INTS6: variants seen among roughly 807,000 people sequenced by gnomAD.
The protein encoded by INTS6 is integrator complex subunit 6.
INTS6 carries 16 observed loss-of-function variants against 104.9 expected under a neutral mutation model. The observed-to-expected ratio is 0.15, with a 90% confidence interval of 0.10 to 0.23. The LOEUF (loss-of-function observed/expected upper bound fraction) is 0.23, where lower values mean the gene tolerates loss of function less well. INTS6 is among the 10% of genes least tolerant of loss of function. The pLI is 1.00. For missense variants in INTS6, 584 were observed against 1,062.8 expected, an observed-to-expected ratio of 0.55 and a Z score of 6.26; for synonymous variants, 324 against 358.7, an observed-to-expected ratio of 0.90 and a Z score of 1.09.
downstream of INTS6, among the ~76,000 whole-genome samples, chr13:51,360,724 C>T (rs190204240): frequency 1.3e-3 from 201 of 152,120 alleles, 1 homozygote; most frequent in Non-Finnish European, 2.1e-3. Flanking sequence ...TCATGCAACA[C>T]TAGACACATT....
At chr13:51,349,493 T>C (rs1452526440), downstream of INTS6, among the ~76,000 whole-genome samples, 2 of 152,194 alleles carry the variant, frequency 1.3e-5, no homozygotes, top group Non-Finnish European at 2.9e-5. Flanking sequence ...TCCTATTATA[T>C]TTGAGAGAAA....
At chr13:51,442,299 C>T (rs1399489434) in intron 3 of INTS6, 1 of 151,736 alleles carries the variant, frequency 6.6e-6, no homozygotes, top group East Asian at 1.9e-4. Flanking sequence ...AGGCGCCCGC[C>T]ACCATGCCCA....
At position 51,364,962 on chromosome 13, in the gene INTS6, T is replaced by A. The variant is rs923641113; in HGVS notation, c.*790A>T. ...TTTGCTTTTTAAATAGCTTTTAAAG[T>A]ATCTGTCTATCTGCCCCATACAAAG... On this transcript the variant is annotated 3_prime_UTR_variant, in exon 18 of 18. Coordinates refer to ENST00000311234, the MANE Select transcript of INTS6 (RefSeq NM_012141.3). 6.6e-6 allele frequency: 1 copy of A among 152,568 alleles called. No individual in the cohort carries two copies. Among genetic ancestry groups the A allele is most frequent in the Non-Finnish European group, 1.5e-5 (1 of 68,004 alleles). The allele number at this position is 152,568 out of a possible 1,614,324, so 9.5% of individuals were successfully genotyped here.
chr13:51,430,468 A>T, intron 3 of INTS6, 85 bp from the exon 4 acceptor site: 1 of 907,508 alleles, frequency 1.1e-6, no homozygotes, highest in Admixed American at 2.2e-5. Flanking sequence ...CAGCATATAT[A>T]CGATCTCCCT....
rs1047112821 is a variant in INTS6 at position 51,369,054 on chromosome 13, G to A, written c.2361C>T (p.Asn787=). Residue 787 remains asparagine, a synonymous_variant, in exon 16 of 18, where the codon AAC becomes AAT. Transcript: ENST00000311234. ...PRDKEQCAEE[N]IPASSLNKGK... ...CTTTGTTGAGTGAAGATGCTGGTATGTTCTCTTCAGCACATTGTTCTTTAT... is the reference window on the plus strand; with the variant it reads ...CTTTGTTGAGTGAAGATGCTGGTATATTCTCTTCAGCACATTGTTCTTTAT... The A allele has an allele frequency of 1.9e-6, 3 of 1,613,618 alleles. No homozygotes were observed. The highest frequency in any genetic ancestry group is 2.2e-5 in the South Asian group (2 of 91,072).
chr13:51,343,279 T>C, the INTS6 span, among the ~76,000 whole-genome samples: 1 of 151,922 alleles, frequency 6.6e-6, no homozygotes, highest in Non-Finnish European at 1.5e-5. Flanking sequence ...TAAAAGGGAG[T>C]AGAAGCAGCC....
the INTS6 span, chr13:51,344,373 C>T: frequency 3.1e-6 from 5 of 1,613,498 alleles, no homozygotes; most frequent in East Asian, 1.1e-4. Flanking sequence ...TGTCCCCCTG[C>T]TTTGTGGAGC....
intron 3 of INTS6, chr13:51,441,818 T>TCCA (rs937882844): frequency 1.5e-5 from 2 of 132,396 alleles, no homozygotes; most frequent in Non-Finnish European, 3.2e-5. Context: ...CCTCCCCACC[T>TCCA]CCAGCCTTTT....
chr13:51,414,203 A>C (rs1258342787), intron 4 of INTS6, among the ~76,000 whole-genome samples: 1 of 152,224 alleles, frequency 6.6e-6, no homozygotes, highest in African/African-American at 2.4e-5. Context: ...AGAGGAACAA[A>C]GTAGAAGAAA....
chr13:51,341,377 T>G, the INTS6 span: 2 of 1,551,270 alleles, frequency 1.3e-6, no homozygotes, highest in Non-Finnish European at 1.7e-6. Flanking sequence ...GCACACTCAC[T>G]TACCCTCCTG....
At chr13:51,395,174 A>T in intron 5 of INTS6, 126 bp downstream of exon 5, 1 of 866,570 alleles carries the variant, frequency 1.2e-6, no homozygotes, top group Non-Finnish European at 1.7e-6. Context: ...TTAAAAGCAT[A>T]TATGCCTAAT....
At chr13:51,383,827 T>G (rs1337025173) in intron 7 of INTS6, 86 bp from the exon 8 acceptor site, 51 of 1,153,296 alleles carry the variant, frequency 4.4e-5, no homozygotes, top group Non-Finnish European at 5.5e-5. Flanking sequence ...TTTACTCAGT[T>G]CCTCCGTCTT....
chr13:51,357,590 G>C (rs1955499279), downstream of INTS6, among the ~76,000 whole-genome samples: 1 of 151,836 alleles, frequency 6.6e-6, no homozygotes, highest in Admixed American at 6.6e-5. Context: ...CTTCCTTCTT[G>C]GCATCAAATA....
chr13:51,379,425 A>C (rs576506688), intron 11 of INTS6, 37 bp downstream of exon 11: 1 of 1,323,000 alleles, frequency 7.6e-7, no homozygotes, highest in Non-Finnish European at 1.1e-6. Flanking sequence ...AAAACCATTC[A>C]AAATACTTAA....
At chr13:51,392,363 G>T (rs1213018926) in intron 5 of INTS6, among the ~76,000 whole-genome samples, 2 of 151,696 alleles carry the variant, frequency 1.3e-5, no homozygotes, top group African/African-American at 4.8e-5. Flanking sequence ...CCTTCCTGTT[G>T]CTTCCAAACA....
intron 6 of INTS6, 51 bp from the exon 7 acceptor site, chr13:51,387,591 A>G: frequency 7.3e-7 from 1 of 1,375,968 alleles, no homozygotes; most frequent in Non-Finnish European, 9.7e-7. Flanking sequence ...AGGGGGGATA[A>G]GCATAAAAAG....
At chr13:51,379,418 A>G in intron 11 of INTS6, 44 bp downstream of exon 11, 1 of 1,209,542 alleles carries the variant, frequency 8.3e-7, no homozygotes, top group Non-Finnish European at 1.2e-6. Flanking sequence ...CCTAGCCAAA[A>G]CCATTCAAAA....
At chr13:51,399,799 G>A (rs1312689844) in intron 4 of INTS6, among the ~76,000 whole-genome samples, 4 of 152,124 alleles carry the variant, frequency 2.6e-5, no homozygotes, top group South Asian at 2.1e-4. Flanking sequence ...CTTTTCATAC[G>A]CTTATTGGCC....
intron 6 of INTS6, among the ~76,000 whole-genome samples, chr13:51,388,622 A>C (rs1161253696): frequency 1.3e-5 from 2 of 152,030 alleles, no homozygotes; most frequent in African/African-American, 4.8e-5. Context: ...CAAACTCCCA[A>C]CCTCAGGTGA....
Sources: allele counts gnomAD v4.1 joint callset (sites outside exome capture counted in the v4.1 genomes callset), GRCh38; gene constraint gnomAD v4.1.1; transcripts MANE v1.5; gene names NCBI Gene and HGNC (gene_info 2026-07-23, HGNC 2026-07-21).